Variants in ZNF791 observed in about 807,000 individuals in gnomAD.
The protein encoded by ZNF791 is zinc finger protein 791.
ZNF791 carries 4 observed loss-of-function variants against 11.5 expected under a neutral mutation model. The ratio of observed to expected loss-of-function variants is 0.35; its 90% CI spans 0.17 to 0.80. The LOEUF is 0.80. ZNF791 is among the 30% of genes least tolerant of loss of function. The pLI is 0.53. For missense variants in ZNF791, 559 were observed against 699.4 expected (o/e 0.80, Z 2.26); for synonymous variants, 212 against 228.1 (o/e 0.93, Z 0.64).
chr19:12,616,474 A>G (rs2023246288), intron 1 of ZNF791, among the ~76,000 whole-genome samples: 1 of 152,202 alleles, frequency 6.6e-6, no homozygotes, highest in Admixed American at 6.6e-5. Flanking sequence ...GGGGCCACCC[A>G]GGCTGCTGGG....
intron 1 of ZNF791, among the ~76,000 whole-genome samples, chr19:12,613,425 C>G (rs955977918): frequency 6.6e-5 from 10 of 151,912 alleles, no homozygotes; most frequent in Non-Finnish European, 1.5e-4. Flanking sequence ...ACTAAAAATA[C>G]AAAAAATTAG....
At position 12,627,191 on chromosome 19, in the gene ZNF791, CA is replaced by C. The variant is rs75550421; in HGVS notation, c.192-517del. ...GTGAGACTCTGTCTCAAAATGAAACCAAAAAAAAAAAAACCCATACCTCAAT... is the reference window on the plus strand; with the variant it reads ...GTGAGACTCTGTCTCAAAATGAAACCAAAAAAAAAAAACCCATACCTCAAT... On this transcript the variant is annotated intron_variant, in intron 3 of 3. Transcript: ENST00000343325. Among the ~76,000 whole-genome samples the C allele has an allele frequency of 1.6e-3, 183 of 115,326 alleles. 1 individual carries two copies. Among genetic ancestry groups the C allele is most frequent in the Admixed American group, 2.3e-3 (26 of 11,504 alleles). 75.7% of individuals were successfully genotyped at this position (115,326 alleles called of 152,430 possible).
At position 12,610,960 on chromosome 19, in the gene ZNF791, C is replaced by G; in HGVS notation, c.-120C>G. Reference sequence around the variant, plus strand: ...CACTGTGCGATCGGGTTGTGCTTAGCTTGGGGTCTCCTGGCCCCTTGACGC... The same window carrying G: ...CACTGTGCGATCGGGTTGTGCTTAGGTTGGGGTCTCCTGGCCCCTTGACGC... On this transcript the variant is annotated 5_prime_UTR_variant, in exon 1 of 4. Coordinates refer to ENST00000343325, the MANE Select transcript of ZNF791 (RefSeq NM_153358.3). 7.3e-7 allele frequency: 1 copy of G among 1,373,096 alleles called. No homozygotes were observed. The highest frequency in any genetic ancestry group is 1.0e-6 in the Non-Finnish European group (1 of 966,416). The allele number at this position is 1,373,096 out of a possible 1,614,324, so 85.1% of individuals were successfully genotyped here.
rs943710502 is a variant in ZNF791 at position 12,632,290 on chromosome 19, G to A, written c.*3030G>A. ...AAGTGTATTTTTTTTTTCTTTTAAAGACCAGTGTTAGTAGAAGTGTATTTT... is the reference window on the plus strand; with the variant it reads ...AAGTGTATTTTTTTTTTCTTTTAAAAACCAGTGTTAGTAGAAGTGTATTTT... On this transcript the variant is annotated 3_prime_UTR_variant, in exon 4 of 4. Transcript: ENST00000343325. 1 of 151,558 alleles carries A rather than the reference G, an allele frequency of 6.6e-6. No individual in the cohort carries two copies. Among genetic ancestry groups the A allele is most frequent in the Non-Finnish European group, 1.5e-5 (1 of 67,914 alleles). The allele number at this position is 151,558 out of a possible 1,614,324, so 9.4% of individuals were successfully genotyped here.
rs368666593 is a variant in ZNF791, at chr19:12,628,846, T to G, written c.1317T>G (p.Pro439=). The change falls in exon 4 of 4, where the codon CCT becomes CCG. Residue 439 remains proline, a synonymous_variant. Transcript: ENST00000343325. ...TGATCACCCACACTGGAGACGGACC[T>G]TATAAATGTAGGGACTGTGGGAAGG... The part of the protein sequence containing the change: ...RHMITHTGDG[P]YKCRDCGKVF... 110 of 1,613,214 alleles carry G rather than the reference T, an allele frequency of 6.8e-5. No individual in the cohort carries two copies. The Admixed American group carries it at 1.4e-3, about 20-fold the overall frequency.
In ZNF791 at chr19:12,631,979, G is replaced by A. The variant is rs560133715; in HGVS notation, c.*2719G>A. 1 of 143,142 alleles carries A rather than the reference G, an allele frequency of 7.0e-6. No individual in the cohort carries two copies. The highest frequency in any genetic ancestry group is 2.7e-5 in the African/African-American group (1 of 37,370). 8.9% of individuals were successfully genotyped at this position (143,142 alleles called of 1,614,324 possible). A position where few individuals can be genotyped will look rare whatever the true frequency, so the allele number is the denominator to read the frequency against. ...AACTGAAGTGTATTTTTTTTTTTTC[G>A]AGACGGAGTCTTGCTCTGTTGCCCA... On this transcript the variant is annotated 3_prime_UTR_variant, in exon 4 of 4. Transcript: ENST00000343325.
intron 1 of ZNF791, among the ~76,000 whole-genome samples, chr19:12,619,542 C>A (rs1004274251): frequency 3.4e-5 from 5 of 148,688 alleles, no homozygotes; most frequent in Non-Finnish European, 7.4e-5. Context: ...CTCCGCCTCC[C>A]GTGTTCACGC....
In ZNF791 at chr19:12,628,062, A is replaced by G; in HGVS notation, c.533A>G (p.His178Arg). The G allele has an allele frequency of 1.9e-6, 3 of 1,613,830 alleles. No individual in the cohort carries two copies. The highest frequency in any genetic ancestry group is 2.5e-6 in the Non-Finnish European group (3 of 1,179,896). Residue 178 changes from histidine to arginine, a missense_variant, in exon 4 of 4, where the codon CAT (histidine) becomes CGT (arginine). Physicochemically the swap from His to Arg is conservative, Grantham distance 29. Coordinates refer to ENST00000343325, the MANE Select transcript of ZNF791 (RefSeq NM_153358.3). ...ATATATCACCAGCCCTTTCAAAGAC[A>G]TGAGCGGACTCACATTGGAGAAAAA... ...TFIYHQPFQR[H>R]ERTHIGEKPY... is the part of the protein sequence containing the mutation.
chr19:12,615,657 T>C (rs2023235868), intron 1 of ZNF791, among the ~76,000 whole-genome samples: 1 of 150,986 alleles, frequency 6.6e-6, no homozygotes, highest in Admixed American at 6.6e-5. Context: ...CGCACACCTG[T>C]AATCTCAGCT....
At chr19:12,622,297 TC>T (rs2023362510) in intron 1 of ZNF791, among the ~76,000 whole-genome samples, 1 of 141,498 alleles carries the variant, frequency 7.1e-6, no homozygotes, top group Non-Finnish European at 1.5e-5. Flanking sequence ...TCCACTATTG[TC>T]CCATGACCCT....
rs1327690013 is a variant in ZNF791 at position 12,630,197 on chromosome 19, C to G, written c.*937C>G. Reference sequence around the variant, plus strand: ...AATTGGCTGGGCACAGTGGCTCATACCTGTAATCCCAGCACTTTGGGAGGC... The same window carrying G: ...AATTGGCTGGGCACAGTGGCTCATAGCTGTAATCCCAGCACTTTGGGAGGC... On this transcript the variant is annotated 3_prime_UTR_variant, in exon 4 of 4. Transcript: ENST00000343325. 1.3e-5 allele frequency: 2 copies of G among 151,240 alleles called. No individual in the cohort carries two copies. Among genetic ancestry groups the G allele is most frequent in the African/African-American group, 4.9e-5 (2 of 41,034 alleles). The allele number at this position is 151,240 out of a possible 1,614,324, so 9.4% of individuals were successfully genotyped here.
At chr19:12,622,376 AAT>A (rs1292819108) in intron 1 of ZNF791, among the ~76,000 whole-genome samples, 2 of 132,942 alleles carry the variant, frequency 1.5e-5, no homozygotes, top group African/African-American at 2.9e-5. Context: ...AAAAATAATA[AAT>A]AAAAAAAATA....
At position 12,628,022 on chromosome 19, in the gene ZNF791, T is replaced by C. The variant is rs2023453710; in HGVS notation, c.493T>C (p.Cys165Arg). 6.2e-7 allele frequency: 1 copy of C among 1,612,916 alleles called. No individual in the cohort carries two copies. The highest frequency in any genetic ancestry group is 2.2e-5 in the East Asian group (1 of 44,878). The change falls in exon 4 of 4, where the codon TGT becomes CGT. Residue 165 changes from cysteine to arginine, a missense_variant. Transcript: ENST00000343325. ...AGAAAAACCCTATAAATGTAAACAATGTGGAAAAACCTTCATATATCACCA... is the reference window on the plus strand; with the variant it reads ...AGAAAAACCCTATAAATGTAAACAACGTGGAAAAACCTTCATATATCACCA... ...TGEKPYKCKQ[C>R]GKTFIYHQPF...
chr19:12,624,980 G>T (rs950666367), intron 3 of ZNF791, among the ~76,000 whole-genome samples: 4 of 151,712 alleles, frequency 2.6e-5, no homozygotes, highest in Non-Finnish European at 5.9e-5. Flanking sequence ...AATCCAGGAG[G>T]CAGAGGTTGC....
At chr19:12,622,651 T>C (rs953153132) in intron 1 of ZNF791, among the ~76,000 whole-genome samples, 6 of 151,468 alleles carry the variant, frequency 4.0e-5, no homozygotes, top group Non-Finnish European at 8.8e-5. Context: ...TCCCAGCACT[T>C]TGGGTGGCCG....
chr19:12,624,694 C>A lies in ZNF791; in HGVS notation c.175C>A (p.Gln59Lys). 6.2e-7 allele frequency: 1 copy of A among 1,606,984 alleles called. No individual in the cohort carries two copies. The highest frequency in any genetic ancestry group is 2.2e-5 in the East Asian group (1 of 44,516). ...GAATGTTGAAGATCAACACAAAAAC[C>A]AAGGACGAAATCTAAGGTGAGTTGC... The part of the protein sequence containing the change: ...DPNVEDQHKN[Q>K]GRNLRSHTGE... Residue 59 changes from glutamine (Q) to lysine (K), a missense_variant, in exon 3 of 4, where the codon CAA becomes AAA. Gln to Lys is a moderately conservative substitution (Grantham distance 53). Transcript: ENST00000343325.
At chr19:12,614,892 C>CGTTTTTTTTTTT (rs1191586602) in intron 1 of ZNF791, among the ~76,000 whole-genome samples, 1 of 17,548 alleles carries the variant, frequency 5.7e-5, no homozygotes, top group Non-Finnish European at 1.3e-4. Flanking sequence ...TGCGTCCGGC[C>CGTTTTTTTTTTT]TTTTTTTTTT....
intron 1 of ZNF791, among the ~76,000 whole-genome samples, chr19:12,613,731 T>G (rs905591386): frequency 3.3e-5 from 5 of 152,134 alleles, no homozygotes; most frequent in Non-Finnish European, 7.4e-5. Context: ...AAGGCCCAAT[T>G]GGTTCTTCCT....
At chr19:12,619,322 G>GA (rs1053091329) in intron 1 of ZNF791, among the ~76,000 whole-genome samples, 12 of 151,772 alleles carry the variant, frequency 7.9e-5, no homozygotes, top group South Asian at 2.1e-4. Context: ...CTGGTAGTTG[G>GA]AAAAAAATTA....
Sources: gnomAD v4.1 joint callset for allele counts (sites outside exome capture counted in the v4.1 genomes callset) on GRCh38, gnomAD v4.1.1 for gene constraint, MANE v1.5 for transcripts, NCBI Gene and HGNC (gene_info 2026-07-23, HGNC 2026-07-21) for gene names.